The following NEGR1 variants were observed in gnomAD, a reference collection of about 807,000 sequenced individuals.
NEGR1 encodes the protein IgLON family member 4.
In NEGR1, 10 loss-of-function variants were observed where a neutral mutation model predicts 40.9. That is an observed-to-expected ratio of 0.24 (90% CI 0.15 to 0.42). The LOEUF (loss-of-function observed/expected upper bound fraction) is 0.42, where lower values mean the gene tolerates loss of function less well. Among genes scored for constraint, NEGR1 ranks in the 10% least tolerant of loss-of-function variants. NEGR1 has a pLI of 1.00. For synonymous variants in NEGR1, 185 were observed against 166.8 expected (o/e 1.11, Z -0.84); for missense variants, 352 against 438.9 (o/e 0.80, Z 1.77).
At chr1:71,770,796 A>G (rs905499393) in intron 3 of NEGR1, among the ~76,000 whole-genome samples, 3 of 152,236 alleles carry the variant, frequency 2.0e-5, no homozygotes, top group African/African-American at 7.2e-5. Context: ...AAAGTCAGGA[A>G]ACAACAAATG....
Position 71,690,599 on chromosome 1 carries a change from CAT to C in NEGR1, c.667+7407_667+7408del, listed in dbSNP as rs71070896. ...ACACACACACACACACACACACACA[CAT>C]ATATATATAGAGGGAGACAGAGAGA... is the stretch of plus-strand genomic sequence containing the variant. On this transcript the variant is annotated intron_variant, in intron 4 of 6. Coordinates refer to ENST00000357731, the MANE Select transcript of NEGR1 (RefSeq NM_173808.3). 3.7e-3 allele frequency among the ~76,000 whole-genome samples: 385 copies of C among 102,976 alleles called. 2 individuals carry two copies. Among genetic ancestry groups the C allele is most frequent in the Non-Finnish European group, 6.2e-3 (302 of 48,970 alleles). 67.6% of individuals were successfully genotyped at this position (102,976 alleles called of 152,430 possible).
At chr1:71,504,856 T>A (rs1308667185) in intron 6 of NEGR1, among the ~76,000 whole-genome samples, 1 of 152,084 alleles carries the variant, frequency 6.6e-6, no homozygotes, top group Non-Finnish European at 1.5e-5. Flanking sequence ...ACTAACCTCC[T>A]GGGTCAAAAC....
In NEGR1 at chr1:72,096,838, T is replaced by TTTTTG. The variant is rs1304857771; in HGVS notation, c.177-161532_177-161528dup. The stretch of plus-strand genomic sequence containing the variant: ...ACAACGCCCGGCTATTTTTTTGTAT[T>TTTTTG]TTTTGTTTTGTTTTGTTTTGTTTTA... On this transcript the variant is annotated intron_variant, in intron 1 of 6. Coordinates refer to ENST00000357731, the MANE Select transcript of NEGR1 (RefSeq NM_173808.3). 1.9e-4 allele frequency among the ~76,000 whole-genome samples: 29 copies of TTTTTG among 151,954 alleles called. No homozygotes were observed. In the South Asian group the frequency reaches 2.3e-3, roughly 12 times the overall value.
intron 6 of NEGR1, among the ~76,000 whole-genome samples, chr1:71,513,783 G>A (rs550973681): frequency 1.3e-5 from 2 of 151,874 alleles, no homozygotes; most frequent in Admixed American, 1.3e-4. Context: ...CGCAGAAGAC[G>A]GGTGATTTCT....
intron 6 of NEGR1, among the ~76,000 whole-genome samples, chr1:71,445,309 T>TTA: frequency 6.7e-6 from 1 of 150,278 alleles, no homozygotes; most frequent in East Asian, 2.0e-4. Flanking sequence ...CTTTTTTTTT[T>TTA]AAAAAAAAAA....
intron 2 of NEGR1, among the ~76,000 whole-genome samples, chr1:71,842,789 A>C (rs1048153940): frequency 4.6e-5 from 7 of 152,188 alleles, no homozygotes; most frequent in African/African-American, 7.2e-5. Context: ...GTTATCATTA[A>C]ATTAACATCA....
chr1:71,776,659 G>T (rs910694132), intron 2 of NEGR1, among the ~76,000 whole-genome samples: 1 of 152,028 alleles, frequency 6.6e-6, no homozygotes, highest in African/African-American at 2.4e-5. Context: ...TTGTTGAAAT[G>T]GTTAAAAAAG....
At chr1:71,953,343 A>G (rs1389046099) in intron 1 of NEGR1, among the ~76,000 whole-genome samples, 1 of 150,510 alleles carries the variant, frequency 6.6e-6, no homozygotes, top group African/African-American at 2.5e-5. Flanking sequence ...AACTATAACT[A>G]GAAGTGGAGC....
intron 6 of NEGR1, among the ~76,000 whole-genome samples, chr1:71,467,051 A>C (rs1646751354): frequency 1.3e-5 from 2 of 152,136 alleles, no homozygotes; most frequent in African/African-American, 2.4e-5. Context: ...GCCTCTGTCC[A>C]TTGTCAACAT....
Position 71,398,802 on chromosome 1 carries a change from G to A in NEGR1, c.*8644C>T, listed in dbSNP as rs989349687. ...CTCATTTGGAATTCCCACGGATTGT[G>A]GGAGGGACTTGGTGGGAGGTAATTG... On this transcript the variant is annotated 3_prime_UTR_variant, in exon 7 of 7. Transcript: ENST00000357731. 7 of 152,204 alleles carry A rather than the reference G, an allele frequency of 4.6e-5. No homozygotes were observed. The highest frequency in any genetic ancestry group is 1.7e-4 in the African/African-American group (7 of 41,452). The allele number at this position is 152,204 out of a possible 1,614,324, so 9.4% of individuals were successfully genotyped here. A position where few individuals can be genotyped will look rare whatever the true frequency, so the allele number is the denominator to read the frequency against.
At chr1:71,699,054 T>G (rs749066293) in intron 3 of NEGR1, among the ~76,000 whole-genome samples, 2 of 151,878 alleles carry the variant, frequency 1.3e-5, no homozygotes, top group Non-Finnish European at 2.9e-5. Flanking sequence ...TTGAAAAAAA[T>G]CACATTCCAG....
chr1:72,142,734 C>G (rs1187329203), intron 1 of NEGR1, among the ~76,000 whole-genome samples: 1 of 151,702 alleles, frequency 6.6e-6, no homozygotes, highest in African/African-American at 2.4e-5. Flanking sequence ...AATACTGAGG[C>G]AGAATTTAGT....
intron 6 of NEGR1, among the ~76,000 whole-genome samples, chr1:71,557,976 A>G (rs781086178): frequency 2.0e-4 from 30 of 151,384 alleles, no homozygotes; most frequent in Non-Finnish European, 2.7e-4. Flanking sequence ...AAGCCCCTCT[A>G]TTTGGATTTC....
chr1:71,423,267 T>C (rs986982612), intron 6 of NEGR1, among the ~76,000 whole-genome samples: 1 of 152,134 alleles, frequency 6.6e-6, no homozygotes, highest in Non-Finnish European at 1.5e-5. Flanking sequence ...TGTTGGCATA[T>C]GCCTATCATA....
At chr1:71,716,692 G>A (rs564539562) in intron 3 of NEGR1, among the ~76,000 whole-genome samples, 1 of 152,220 alleles carries the variant, frequency 6.6e-6, no homozygotes, top group South Asian at 2.1e-4. Flanking sequence ...CTATTCCTAT[G>A]AGGTAAAGAT....
chr1:71,476,718 A>T (rs944648530), intron 6 of NEGR1: 1 of 152,116 alleles, frequency 6.6e-6, no homozygotes, highest in South Asian at 2.1e-4. Flanking sequence ...CAATACTCCA[A>T]GAATGTTGTT....
intron 1 of NEGR1, among the ~76,000 whole-genome samples, chr1:72,183,711 G>C (rs1248422153): frequency 3.3e-5 from 5 of 151,980 alleles, no homozygotes; most frequent in African/African-American, 9.7e-5. Context: ...ATTTAGTATT[G>C]GTAATTGTTG....
intron 6 of NEGR1, among the ~76,000 whole-genome samples, chr1:71,437,846 G>A (rs1646519745): frequency 6.6e-6 from 1 of 152,116 alleles, no homozygotes; most frequent in Non-Finnish European, 1.5e-5. Flanking sequence ...AGCCCTCCAG[G>A]TCAGACATTG....
At chr1:72,086,188 GT>G (rs976360106) in intron 1 of NEGR1, among the ~76,000 whole-genome samples, 1 of 152,070 alleles carries the variant, frequency 6.6e-6, no homozygotes, top group African/African-American at 2.4e-5. Context: ...TGAATTACTA[GT>G]TACACGTTAG....
Sources: allele counts gnomAD v4.1 joint callset (sites outside exome capture counted in the v4.1 genomes callset), GRCh38; gene constraint gnomAD v4.1.1; transcripts MANE v1.5; gene names NCBI Gene and HGNC (gene_info 2026-07-23, HGNC 2026-07-21).